The following SRGAP3 variants were observed in gnomAD, a reference collection of about 807,000 sequenced individuals.
The protein encoded by SRGAP3 is SLIT-ROBO Rho GTPase activating protein 3, also known as SLIT-ROBO Rho GTPase-activating protein 3.
Under a neutral mutation model 121.1 loss-of-function variants are expected in SRGAP3, and 39 were observed. The ratio of observed to expected loss-of-function variants is 0.32; its 90% CI spans 0.25 to 0.42. The LOEUF is 0.42. Among genes scored for constraint, SRGAP3 ranks in the 10% least tolerant of loss-of-function variants. The pLI is 1.00. For missense variants in SRGAP3, 1,213 were observed against 1,470.6 expected (o/e 0.82, Z 2.86); for synonymous variants, 601 against 570.0 (o/e 1.05, Z -0.77).
intron 1 of SRGAP3, among the ~76,000 whole-genome samples, chr3:9,203,703 T>A (rs1259547276): frequency 6.6e-6 from 1 of 152,262 alleles, no homozygotes; most frequent in East Asian, 1.9e-4. Context: ...TATGCCCCTG[T>A]GCCCACCTCA....
At chr3:9,257,156 T>C (rs1242056149) in intron 3 of SRGAP3, among the ~76,000 whole-genome samples, 1 of 152,210 alleles carries the variant, frequency 6.6e-6, no homozygotes, top group East Asian at 1.9e-4. Context: ...TTTTTTTAAT[T>C]CTAAAGCATG....
At chr3:9,129,395 T>A (rs1036976241) in intron 1 of SRGAP3, among the ~76,000 whole-genome samples, 5 of 151,346 alleles carry the variant, frequency 3.3e-5, no homozygotes, top group African/African-American at 1.2e-4. Context: ...TGAGACATTT[T>A]AGATGTCAAC....
chr3:9,268,906 G>A (rs569811264), intron 3 of SRGAP3, among the ~76,000 whole-genome samples: 1 of 152,226 alleles, frequency 6.6e-6, no homozygotes, highest in Non-Finnish European at 1.5e-5. Context: ...CTTGCTCCCT[G>A]AGACATCCAA....
chr3:9,212,709 G>A lies in SRGAP3; in HGVS notation c.67+36176C>T, dbSNP rs552583792. ...CCACCTGGTGACAGAGAGAGACTCC[G>A]TCTCAAAAAAAGAAAGAAAGAAAGC... is the stretch of plus-strand genomic sequence containing the variant. On this transcript the variant is annotated intron_variant, in intron 1 of 21. Transcript: ENST00000383836. Among the ~76,000 whole-genome samples, 14 of 152,232 alleles carry A rather than the reference G, an allele frequency of 9.2e-5. No individual in the cohort carries two copies. The South Asian group carries it at 1.2e-3, about 14-fold the overall frequency.
intron 3 of SRGAP3, among the ~76,000 whole-genome samples, chr3:9,082,597 A>G (rs1349768948): frequency 6.6e-6 from 1 of 152,238 alleles, no homozygotes; most frequent in Non-Finnish European, 1.5e-5. Flanking sequence ...CCTGTTTGCC[A>G]AGACCATCGT....
chr3:9,289,106 T>A (rs1275201546), intron 3 of SRGAP3, among the ~76,000 whole-genome samples: 1 of 149,968 alleles, frequency 6.7e-6, no homozygotes, highest in East Asian at 2.0e-4. Context: ...ACCACGTTGA[T>A]CATGGTAGTC....
intron 1 of SRGAP3, among the ~76,000 whole-genome samples, chr3:9,343,614 A>C (rs1485709335): frequency 6.6e-6 from 1 of 152,224 alleles, no homozygotes; most frequent in Non-Finnish European, 1.5e-5. Flanking sequence ...GCCATTTTCT[A>C]TGAATAGGCA....
At chr3:9,157,794 C>T (rs754226767) in intron 1 of SRGAP3, among the ~76,000 whole-genome samples, 1 of 152,220 alleles carries the variant, frequency 6.6e-6, no homozygotes, top group Non-Finnish European at 1.5e-5. Flanking sequence ...ATAACCCACA[C>T]ATATGTATAT....
intron 21 of SRGAP3, among the ~76,000 whole-genome samples, chr3:8,989,357 T>C (rs1478324341): frequency 6.6e-6 from 1 of 152,226 alleles, no homozygotes. Context: ...CCCCTGGGAA[T>C]GGGCATGGGG....
intron 4 of SRGAP3, among the ~76,000 whole-genome samples, chr3:9,066,185 C>T (rs980975136): frequency 6.6e-6 from 1 of 152,220 alleles, no homozygotes; most frequent in Non-Finnish European, 1.5e-5. Flanking sequence ...TCCATACCAA[C>T]AGCATTTTTA....
intron 3 of SRGAP3, among the ~76,000 whole-genome samples, chr3:9,303,567 C>A (rs1448832802): frequency 2.0e-5 from 3 of 152,100 alleles, no homozygotes; most frequent in Non-Finnish European, 4.4e-5. Context: ...GAAATTTTAT[C>A]CTTGTTGATT....
At chr3:9,211,139 G>C (rs747462285) in intron 1 of SRGAP3, among the ~76,000 whole-genome samples, 14 of 152,090 alleles carry the variant, frequency 9.2e-5, no homozygotes, top group Admixed American at 2.6e-4. Context: ...AGGTGTTGAG[G>C]GGGGAGAAGT....
At chr3:9,246,884 C>T (rs1002259498) in intron 1 of SRGAP3, among the ~76,000 whole-genome samples, 15 of 152,068 alleles carry the variant, frequency 9.9e-5, no homozygotes, top group Non-Finnish European at 1.8e-4. Flanking sequence ...CTGATGAATG[C>T]CTGGTAATTG....
chr3:9,027,370 T>C (rs1574935525), intron 12 of SRGAP3, among the ~76,000 whole-genome samples: 1 of 152,240 alleles, frequency 6.6e-6, no homozygotes, highest in African/African-American at 2.4e-5. Flanking sequence ...AACTCAACAC[T>C]ATTTTCTCAG....
intron 4 of SRGAP3, among the ~76,000 whole-genome samples, chr3:9,075,390 T>C (rs528190227): frequency 0.014 from 2,116 of 148,606 alleles, 40 homozygotes; most frequent in Non-Finnish European, 0.014. Flanking sequence ...TGTGTGTGTG[T>C]GCGCGCGCAC....
intron 20 of SRGAP3, 156 bp downstream of exon 20, chr3:8,992,750 C>T (rs1290185628): frequency 7.4e-7 from 1 of 1,357,780 alleles, no homozygotes; most frequent in Admixed American, 1.8e-5. Context: ...CTTCTTGGGC[C>T]AATGCCAGCC....
intron 4 of SRGAP3, among the ~76,000 whole-genome samples, chr3:9,073,357 C>T (rs1946809814): frequency 6.6e-6 from 1 of 152,220 alleles, no homozygotes. Context: ...GTTGCCCAGG[C>T]TGGTCTTGAA....
chr3:9,045,797 C>T (rs1945241433), intron 10 of SRGAP3, among the ~76,000 whole-genome samples: 1 of 152,148 alleles, frequency 6.6e-6, no homozygotes, highest in Non-Finnish European at 1.5e-5. Context: ...TTCAAAAATG[C>T]AAGTAGCCAC....
At chr3:9,137,678 C>T in intron 1 of SRGAP3, among the ~76,000 whole-genome samples, 1 of 152,204 alleles carries the variant, frequency 6.6e-6, no homozygotes, top group Non-Finnish European at 1.5e-5. Flanking sequence ...CTGCAGCCCC[C>T]TGACCACCCC....
Sources: gnomAD v4.1 joint callset for allele counts (sites outside exome capture counted in the v4.1 genomes callset) on GRCh38, gnomAD v4.1.1 for gene constraint, MANE v1.5 for transcripts, NCBI Gene and HGNC (gene_info 2026-07-23, HGNC 2026-07-21) for gene names.